FREM1: variants seen among roughly 807,000 people sequenced by gnomAD.
FREM1 encodes the protein FRAS1 related extracellular matrix 1, also known as FRAS1-related extracellular matrix protein 1.
Under a neutral mutation model 210.1 loss-of-function variants are expected in FREM1, and 220 were observed. The ratio of observed to expected loss-of-function variants is 1.05; its 90% confidence interval spans 0.94 to 1.17. The LOEUF is 1.17. FREM1 is among the 50% of genes most tolerant of loss of function. FREM1 has a pLI of 0.00. For synonymous variants in FREM1, 1,189 were observed against 980.2 expected (o/e 1.21, Z -3.98); for missense variants, 3,454 against 2,675.5 (o/e 1.29, Z -6.42).
Position 14,859,277 on chromosome 9 carries a change from T to C in FREM1, c.537A>G (p.Arg179=). The C allele has an allele frequency of 1.2e-6, 2 of 1,613,716 alleles. No homozygotes were observed. Among genetic ancestry groups the C allele is most frequent in the Non-Finnish European group, 1.7e-6 (2 of 1,179,758 alleles). Residue 179 remains arginine, a synonymous_variant, in exon 4 of 37, where the codon AGA becomes AGG. Transcript: ENST00000380880. ...TCTGGCCATGGGCTGGCAGCCGAGT[T>C]CTCGCAGTGTCCAGGCTGACGGTAC... The part of the protein sequence containing the change: ...LECTVSLDTA[R]TRLPAHGQMV...
intron 1 of FREM1, among the ~76,000 whole-genome samples, chr9:14,904,759 T>C (rs898643645): frequency 1.3e-5 from 2 of 152,136 alleles, no homozygotes; most frequent in African/African-American, 4.8e-5. Context: ...CTTTTAACTG[T>C]GTCCGACTGT....
rs1184058689 is a variant in FREM1, at chr9:14,747,406, T to C, written c.5867A>G (p.Lys1956Arg). 1.9e-6 allele frequency: 3 copies of C among 1,613,422 alleles called. No individual in the cohort carries two copies. The highest frequency in any genetic ancestry group is 2.5e-6 in the Non-Finnish European group (3 of 1,179,692). Residue 1956 changes from lysine to arginine, a missense_variant, in exon 33 of 37, where the codon AAA becomes AGA. By Grantham distance (26) the Lys-to-Arg change is conservative (BLOSUM62 2). Transcript: ENST00000380880. Reference protein sequence around the residue: ...IYNYHGIVSLKLEDDSFPTHK... With the variant: ...IYNYHGIVSLRLEDDSFPTHK... ...AGTTGGGAAACTGTCATCCTCCAGTTTCAAGGAAACTATCCCATGATACTT... is the reference window on the plus strand; with the variant it reads ...AGTTGGGAAACTGTCATCCTCCAGTCTCAAGGAAACTATCCCATGATACTT...
At chr9:14,899,913 G>A (rs1016471605) in intron 1 of FREM1, among the ~76,000 whole-genome samples, 22 of 152,098 alleles carry the variant, frequency 1.4e-4, no homozygotes, top group African/African-American at 5.3e-4. Flanking sequence ...CCTTTACTTG[G>A]TTTTGCTCAG....
intron 15 of FREM1, among the ~76,000 whole-genome samples, chr9:14,816,027 G>C (rs1820242888): frequency 6.6e-6 from 1 of 151,984 alleles, no homozygotes; most frequent in Non-Finnish European, 1.5e-5. Flanking sequence ...GGACTATATG[G>C]TACAGGAACT....
At chr9:14,839,121 T>C (rs1825172681) in intron 10 of FREM1, among the ~76,000 whole-genome samples, 1 of 152,126 alleles carries the variant, frequency 6.6e-6, no homozygotes, top group Non-Finnish European at 1.5e-5. Flanking sequence ...TAAAAGGCCA[T>C]GGGAGGGGTT....
chr9:14,821,583 C>T (rs901309029), intron 13 of FREM1, among the ~76,000 whole-genome samples: 5 of 152,162 alleles, frequency 3.3e-5, no homozygotes, highest in East Asian at 1.9e-4. Context: ...ATTTCACCAC[C>T]GGGAATATGA....
rs112482657 is a variant in FREM1 at position 14,757,561 on chromosome 9, C to A, written c.5335-1115G>T. ...TAGAGTGAGATTCCATCTCAAAAAACAAAAAAAAAGTGTCTTTGGCTGATT... is the reference window on the plus strand; with the variant it reads ...TAGAGTGAGATTCCATCTCAAAAAAAAAAAAAAAAGTGTCTTTGGCTGATT... On this transcript the variant is annotated intron_variant, in intron 28 of 36. Transcript: ENST00000380880. Among the ~76,000 whole-genome samples, 875 of 150,018 alleles carry A rather than the reference C, an allele frequency of 5.8e-3. 5 individuals are homozygous for A. Among genetic ancestry groups the A allele is most frequent in the African/African-American group, 0.014 (580 of 40,906 alleles).
At chr9:14,817,847 T>G (rs970920634) in intron 14 of FREM1, among the ~76,000 whole-genome samples, 2 of 152,178 alleles carry the variant, frequency 1.3e-5, no homozygotes, top group Non-Finnish European at 2.9e-5. Flanking sequence ...CTACCCGCTA[T>G]GCTTTATTTT....
In FREM1 at chr9:14,784,359, AT is replaced by A; in HGVS notation, c.4442+10del. The A allele has an allele frequency of 6.2e-7, 1 of 1,608,570 alleles. No homozygotes were observed. Among genetic ancestry groups the A allele is most frequent in the Non-Finnish European group, 8.5e-7 (1 of 1,176,050 alleles). On this transcript the variant is annotated intron_variant, in intron 24 of 36. Transcript: ENST00000380880. ...CAAAGAAGGGGTTTGAAAAGTTTCC[AT>A]GGGGCTCACCTGAATCTGTCACTGG...
chr9:14,788,160 C>G (rs1165311887), intron 23 of FREM1, among the ~76,000 whole-genome samples: 1 of 152,074 alleles, frequency 6.6e-6, no homozygotes, highest in Non-Finnish European at 1.5e-5. Flanking sequence ...TATGCTTCAT[C>G]CTGGGAATAT....
At chr9:14,900,607 A>G (rs1023227739) in intron 1 of FREM1, among the ~76,000 whole-genome samples, 5 of 152,136 alleles carry the variant, frequency 3.3e-5, no homozygotes, top group African/African-American at 9.7e-5. Flanking sequence ...GGAGAGGAAG[A>G]TAGGATGGTC....
chr9:14,795,209 A>C (rs1324635263), intron 21 of FREM1, among the ~76,000 whole-genome samples: 1 of 152,166 alleles, frequency 6.6e-6, no homozygotes, highest in Non-Finnish European at 1.5e-5. Context: ...CTAGTCTTTC[A>C]AGCATGTTTA....
intron 10 of FREM1, among the ~76,000 whole-genome samples, chr9:14,837,215 A>G (rs1824796360): frequency 6.6e-6 from 1 of 152,158 alleles, no homozygotes; most frequent in Non-Finnish European, 1.5e-5. Flanking sequence ...GGCTACATGA[A>G]TGACATGCCT....
At chr9:14,805,259 G>A in intron 18 of FREM1, 107 bp from the exon 19 acceptor site, 1 of 603,020 alleles carries the variant, frequency 1.7e-6, no homozygotes, top group Non-Finnish European at 2.8e-6. Context: ...ATACAAATAA[G>A]AGATCATAGC....
chr9:14,813,031 T>A lies in FREM1; in HGVS notation c.2674A>T (p.Lys892Ter), dbSNP rs1296137652. The A allele has an allele frequency of 6.2e-7, 1 of 1,612,482 alleles. No individual in the cohort carries two copies. Among genetic ancestry groups the A allele is most frequent in the Non-Finnish European group, 8.5e-7 (1 of 1,178,888 alleles). Residue 892 changes from lysine to a stop codon, truncating the protein, a stop_gained, in exon 16 of 37, where the codon AAG becomes TAG. Transcript: ENST00000380880. LOFTEE classifies it high-confidence loss of function. ...FPVNDEPPVLKADLMPVMNCS... is the reference protein window; with the variant it reads ...FPVNDEPPVL ...TTCATGACAGGCATGAGGTCAGCCT[T>A]TAAGACTGGTGGCTCATCGTTGACA...
At position 14,859,322 on chromosome 9, in the gene FREM1, A is replaced by G; in HGVS notation, c.492T>C (p.Asp164=). The change falls in exon 4 of 37, where the codon GAT becomes GAC. Residue 164 remains aspartate (D), a synonymous_variant. Coordinates refer to ENST00000380880, the MANE Select transcript of FREM1 (RefSeq NM_001379081.2). ...CGGTACATTCCAGGCTAGCCATCCT[A>G]TCATAATCGAATCTGAGCAGATTTT... is the stretch of plus-strand genomic sequence containing the variant. ...IDKNLLRFDY[D]RMASLECTVS... is the part of the protein sequence containing the mutation. 2 of 1,613,818 alleles carry G rather than the reference A, an allele frequency of 1.2e-6. No individual in the cohort carries two copies. The highest frequency in any genetic ancestry group is 8.5e-7 in the Non-Finnish European group (1 of 1,179,860).
rs1852672168 is a variant in FREM1 at position 14,797,595 on chromosome 9, C to G, written c.3742G>C (p.Asp1248His). 1 of 1,612,196 alleles carries G rather than the reference C, an allele frequency of 6.2e-7. No homozygotes were observed. Among genetic ancestry groups the G allele is most frequent in the East Asian group, 2.2e-5 (1 of 44,842 alleles). The change falls in exon 21 of 37, where the codon GAT becomes CAT. Residue 1248 changes from aspartate (D) to histidine (H), a missense_variant. Asp to His is a moderately conservative substitution (Grantham distance 81). Transcript: ENST00000380880. Reference sequence around the variant, plus strand: ...CCATCTGACAATTGGATTGTAAAATCATCAGCAAGGCTCTCTGAGTCATCA... The same window carrying G: ...CCATCTGACAATTGGATTGTAAAATGATCAGCAAGGCTCTCTGAGTCATCA... ...MHDDSESLADDFTIQLSDGKH... is the reference protein window; with the variant it reads ...MHDDSESLADHFTIQLSDGKH...
At chr9:14,745,072 A>G (rs1439861819) in intron 35 of FREM1, among the ~76,000 whole-genome samples, 2 of 152,198 alleles carry the variant, frequency 1.3e-5, no homozygotes, top group Non-Finnish European at 2.9e-5. Context: ...ATGAGAACAC[A>G]TGGACACATA....
At chr9:14,813,890 T>C (rs1819838151) in intron 15 of FREM1, among the ~76,000 whole-genome samples, 1 of 152,208 alleles carries the variant, frequency 6.6e-6, no homozygotes, top group South Asian at 2.1e-4. Flanking sequence ...GCCAAAGTGA[T>C]CTTTTTAACG....
Sources: allele counts gnomAD v4.1 joint callset (sites outside exome capture counted in the v4.1 genomes callset), GRCh38; gene constraint gnomAD v4.1.1; transcripts MANE v1.5; gene names NCBI Gene and HGNC (gene_info 2026-07-23, HGNC 2026-07-21).